Variants in KCNMB2 observed in about 807,000 individuals in gnomAD.
KCNMB2 encodes calcium-activated potassium channel subunit beta-2.
Under a neutral mutation model 24.5 loss-of-function variants are expected in KCNMB2, and 9 were observed. The observed-to-expected ratio is 0.37, with a 90% CI of 0.22 to 0.64. The LOEUF is 0.64. Among genes scored for constraint, KCNMB2 ranks in the 30% least tolerant of loss-of-function variants. The pLI, the probability that KCNMB2 is intolerant of heterozygous loss-of-function variation, is 0.63. For synonymous variants in KCNMB2, 109 were observed against 104.4 expected (o/e 1.04, Z -0.27); for missense variants, 226 against 284.3 (o/e 0.79, Z 1.47).
intron 1 of KCNMB2, among the ~76,000 whole-genome samples, chr3:178,744,111 T>C (rs1051412096): frequency 2.0e-5 from 3 of 152,222 alleles, no homozygotes; most frequent in Admixed American, 6.5e-5. Flanking sequence ...CTCTTTGAAA[T>C]GTCTATGATC....
intron 1 of KCNMB2, among the ~76,000 whole-genome samples, chr3:178,547,606 A>T (rs1161340535): frequency 3.3e-5 from 5 of 152,014 alleles, no homozygotes. Flanking sequence ...TCCTCTCTTT[A>T]CTTGACTTGA....
intron 1 of KCNMB2, among the ~76,000 whole-genome samples, chr3:178,704,568 CA>C (rs1300371832): frequency 6.6e-5 from 10 of 151,454 alleles, no homozygotes; most frequent in South Asian, 4.2e-4. Context: ...TCTATCATTG[CA>C]AAAAAAAATT....
chr3:178,538,576 T>C (rs931174341), intron 1 of KCNMB2, among the ~76,000 whole-genome samples: 7 of 152,226 alleles, frequency 4.6e-5, no homozygotes, highest in Admixed American at 1.3e-4. Flanking sequence ...GTATTTACTT[T>C]AGAGGCAATT....
At chr3:178,707,743 T>C (rs1283415712) in intron 1 of KCNMB2, among the ~76,000 whole-genome samples, 1 of 152,122 alleles carries the variant, frequency 6.6e-6, no homozygotes, top group Admixed American at 6.6e-5. Flanking sequence ...CTGAGGTGAT[T>C]CTCACACCCT....
intron 1 of KCNMB2, among the ~76,000 whole-genome samples, chr3:178,549,611 A>G (rs1715882532): frequency 1.3e-5 from 2 of 151,802 alleles, no homozygotes; most frequent in Non-Finnish European, 2.9e-5. Context: ...ATAGGCGTGA[A>G]CCACCATGTC....
At chr3:178,795,650 C>T (rs923455422) in intron 1 of KCNMB2, among the ~76,000 whole-genome samples, 5 of 152,176 alleles carry the variant, frequency 3.3e-5, no homozygotes, top group Admixed American at 6.5e-5. Flanking sequence ...ACAGGAACCT[C>T]AGTCCCGCTC....
chr3:178,584,810 T>C (rs890363976), intron 1 of KCNMB2, among the ~76,000 whole-genome samples: 1 of 152,166 alleles, frequency 6.6e-6, no homozygotes. Context: ...GCGACACCCA[T>C]TTAAATTCAC....
chr3:178,727,541 T>C (rs974140040), intron 1 of KCNMB2, among the ~76,000 whole-genome samples: 1 of 151,988 alleles, frequency 6.6e-6, no homozygotes, highest in African/African-American at 2.4e-5. Flanking sequence ...ATTAAATGAG[T>C]TTTTAGAAGT....
At chr3:178,794,077 G>A (rs146937439) in intron 1 of KCNMB2, among the ~76,000 whole-genome samples, 2,044 of 152,260 alleles carry the variant, frequency 0.013, 17 homozygotes, top group Non-Finnish European at 0.022. Context: ...TTACACGGTT[G>A]CAAAGCAGCC....
At chr3:178,813,678 T>C (rs1714283527) in intron 2 of KCNMB2, among the ~76,000 whole-genome samples, 1 of 152,218 alleles carries the variant, frequency 6.6e-6, no homozygotes, top group South Asian at 2.1e-4. Flanking sequence ...TGATTACTAA[T>C]ATATTTGGGC....
intron 1 of KCNMB2, among the ~76,000 whole-genome samples, chr3:178,612,565 T>C (rs2108517568): frequency 6.6e-6 from 1 of 152,286 alleles, no homozygotes; most frequent in Admixed American, 6.5e-5. Context: ...CTCCTGCTCT[T>C]TTTTGTTTTT....
intron 1 of KCNMB2, among the ~76,000 whole-genome samples, chr3:178,611,015 C>A (rs562279699): frequency 3.4e-4 from 52 of 152,214 alleles, no homozygotes; most frequent in African/African-American, 1.2e-3. Flanking sequence ...TGGAAGTATT[C>A]GCTCCTCCTC....
intron 1 of KCNMB2, among the ~76,000 whole-genome samples, chr3:178,555,323 T>C (rs1716086680): frequency 6.6e-6 from 1 of 152,232 alleles, no homozygotes; most frequent in African/African-American, 2.4e-5. Context: ...CCCAATTTAG[T>C]CTAATGGAAT....
At chr3:178,650,158 T>C (rs927657601) in intron 1 of KCNMB2, among the ~76,000 whole-genome samples, 38 of 152,162 alleles carry the variant, frequency 2.5e-4, no homozygotes, top group Non-Finnish European at 5.1e-4. Flanking sequence ...TGGTTTTGAG[T>C]GAGTTTCTTA....
chr3:178,811,031 C>T (rs1018537708), intron 2 of KCNMB2, among the ~76,000 whole-genome samples: 2 of 151,280 alleles, frequency 1.3e-5, no homozygotes, highest in African/African-American at 2.4e-5. Flanking sequence ...GGATTACAGG[C>T]GTGGGCCACC....
intron 1 of KCNMB2, among the ~76,000 whole-genome samples, chr3:178,724,890 G>C (rs1025186508): frequency 6.6e-6 from 1 of 152,088 alleles, no homozygotes; most frequent in African/African-American, 2.4e-5. Flanking sequence ...GCACAATGCT[G>C]TTTTGGTTAC....
chr3:178,733,443 G>A (rs1370989290), intron 1 of KCNMB2, among the ~76,000 whole-genome samples: 2 of 152,076 alleles, frequency 1.3e-5, no homozygotes, highest in African/African-American at 2.4e-5. Flanking sequence ...GTTTTGAGAA[G>A]AGGAGGGATA....
intron 1 of KCNMB2, among the ~76,000 whole-genome samples, chr3:178,559,656 C>G (rs1003582509): frequency 6.1e-5 from 9 of 147,360 alleles, no homozygotes; most frequent in African/African-American, 2.3e-4. Context: ...CTATTATTTT[C>G]CAGGACCCTT....
chr3:178,633,299 T>C (rs578183509), intron 1 of KCNMB2, among the ~76,000 whole-genome samples: 12 of 152,278 alleles, frequency 7.9e-5, no homozygotes, highest in Non-Finnish European at 1.3e-4. Flanking sequence ...CACATTTCCC[T>C]TCTGCACTGC....
Sources: gnomAD v4.1 joint callset for allele counts (sites outside exome capture counted in the v4.1 genomes callset) on GRCh38, gnomAD v4.1.1 for gene constraint, MANE v1.5 for transcripts, NCBI Gene and HGNC (gene_info 2026-07-23, HGNC 2026-07-21) for gene names.